Variants in GALNT13 observed in about 807,000 individuals in gnomAD.
The protein encoded by GALNT13 is UDP-GalNAc:polypeptide N-acetylgalactosaminyltransferase 13.
In GALNT13, 28 loss-of-function variants were observed where a neutral mutation model predicts 64.2. That is an observed-to-expected ratio of 0.44 (90% confidence interval 0.32 to 0.60). The LOEUF (loss-of-function observed/expected upper bound fraction) is 0.60. GALNT13 is among the 20% of genes least tolerant of loss of function. The probability of loss-of-function intolerance (pLI) is 0.05; values close to 1 mark genes in which losing one functional copy is unlikely to be tolerated. For missense variants in GALNT13, 577 were observed against 669.8 expected, an observed-to-expected ratio of 0.86 and a Z score of 1.53; for synonymous variants, 214 against 224.6, an observed-to-expected ratio of 0.95 and a Z score of 0.42.
At chr2:153,569,732 A>T in the GALNT13 span, among the ~76,000 whole-genome samples, 1 of 152,114 alleles carries the variant, frequency 6.6e-6, no homozygotes, top group Non-Finnish European at 1.5e-5. Context: ...ATGAACAATT[A>T]AATTATTATT....
chr2:153,084,280 A>C, the GALNT13 span, among the ~76,000 whole-genome samples: 9 of 152,042 alleles, frequency 5.9e-5, no homozygotes, highest in African/African-American at 2.2e-4. Context: ...AAGAATGATG[A>C]TGGTATTTTT....
chr2:153,564,625 T>C, the GALNT13 span, among the ~76,000 whole-genome samples: 3 of 151,970 alleles, frequency 2.0e-5, no homozygotes, highest in African/African-American at 7.3e-5. Context: ...AAAACATTAT[T>C]GTTTCTGATT....
At chr2:153,691,117 T>G in the GALNT13 span, among the ~76,000 whole-genome samples, 52 of 152,252 alleles carry the variant, frequency 3.4e-4, no homozygotes, top group African/African-American at 1.2e-3. Flanking sequence ...TAGTATTGCT[T>G]GTGGAGTACT....
the GALNT13 span, among the ~76,000 whole-genome samples, chr2:153,257,200 G>C: frequency 2.0e-5 from 3 of 152,180 alleles, no homozygotes; most frequent in Admixed American, 2.0e-4. Context: ...ATTCGGGTGG[G>C]AGTGACCTGA....
the GALNT13 span, among the ~76,000 whole-genome samples, chr2:153,626,043 A>G: frequency 1.3e-5 from 2 of 152,058 alleles, no homozygotes; most frequent in Non-Finnish European, 2.9e-5. Flanking sequence ...TAAAATTAAT[A>G]TATTAATTCT....
chr2:153,162,695 C>T, the GALNT13 span, among the ~76,000 whole-genome samples: 1 of 152,116 alleles, frequency 6.6e-6, no homozygotes, highest in Non-Finnish European at 1.5e-5. Flanking sequence ...ATGACGATGC[C>T]ATTGTTCCAG....
chr2:153,390,838 T>A, the GALNT13 span, among the ~76,000 whole-genome samples: 1 of 152,074 alleles, frequency 6.6e-6, no homozygotes, highest in Non-Finnish European at 1.5e-5. Context: ...TCATTGGTCC[T>A]ACATCCTAGC....
chr2:154,123,016 T>C (rs1202243026), intron 3 of GALNT13, among the ~76,000 whole-genome samples: 1 of 151,970 alleles, frequency 6.6e-6, no homozygotes, highest in Non-Finnish European at 1.5e-5. Context: ...ATGCTAACTA[T>C]GTGAACAAGA....
rs753710220 is a variant in GALNT13, at chr2:154,242,870, G to T, written c.651G>T (p.Trp217Cys). 5.6e-6 allele frequency: 9 copies of T among 1,614,016 alleles called. 1 individual carries two copies. Among genetic ancestry groups the T allele is most frequent in the Non-Finnish European group, 8.5e-7 (1 of 1,180,020 alleles). Reference protein sequence around the residue: ...LDAHCECTLGWLEPLLARIKE... With the variant: ...LDAHCECTLGCLEPLLARIKE... ...CACACTGTGAATGCACGTTAGGATG[G>T]CTGGAGCCTTTGCTGGCAAGAATAA... is the stretch of plus-strand genomic sequence containing the variant. Residue 217 changes from tryptophan (W) to cysteine (C), a missense_variant, in exon 6 of 13, where the codon TGG becomes TGT. By Grantham distance (215) the Trp-to-Cys change is radical. Transcript: ENST00000392825.
intron 3 of GALNT13, among the ~76,000 whole-genome samples, chr2:154,129,484 C>T (rs1253004901): frequency 1.3e-5 from 2 of 152,102 alleles, no homozygotes; most frequent in South Asian, 2.1e-4. Context: ...AATGTAACAG[C>T]GAAATGTCTT....
At chr2:153,566,429 A>C in the GALNT13 span, among the ~76,000 whole-genome samples, 6 of 134,372 alleles carry the variant, frequency 4.5e-5, no homozygotes, top group Admixed American at 9.0e-5. Context: ...ATCTCAGCTC[A>C]CTGCAAGCTC....
At chr2:153,097,794 G>A in the GALNT13 span, among the ~76,000 whole-genome samples, 2 of 152,066 alleles carry the variant, frequency 1.3e-5, no homozygotes, top group African/African-American at 2.4e-5. Context: ...TTTCCAGCCC[G>A]GCACAGTGGC....
At chr2:153,770,428 G>A in the GALNT13 span, among the ~76,000 whole-genome samples, 1 of 152,148 alleles carries the variant, frequency 6.6e-6, no homozygotes, top group Non-Finnish European at 1.5e-5. Flanking sequence ...CTAGGCATAT[G>A]AGCAGGTTCA....
the GALNT13 span, among the ~76,000 whole-genome samples, chr2:153,754,131 G>T: frequency 1.0e-3 from 158 of 152,148 alleles, no homozygotes; most frequent in African/African-American, 3.4e-3. Flanking sequence ...TGCAGATTCA[G>T]AAATGCCATT....
intron 9 of GALNT13, among the ~76,000 whole-genome samples, chr2:154,365,413 A>G (rs1323859958): frequency 6.6e-6 from 1 of 152,224 alleles, no homozygotes; most frequent in Non-Finnish European, 1.5e-5. Context: ...TAAATTGCCA[A>G]TATTTTAAAA....
chr2:153,866,819 G>A, the GALNT13 span, among the ~76,000 whole-genome samples: 1 of 152,084 alleles, frequency 6.6e-6, no homozygotes, highest in Non-Finnish European at 1.5e-5. Context: ...TTGTGTAATA[G>A]GTTTATCATC....
the GALNT13 span, among the ~76,000 whole-genome samples, chr2:153,620,582 T>C: frequency 5.9e-5 from 9 of 152,056 alleles, no homozygotes; most frequent in Non-Finnish European, 8.8e-5. Flanking sequence ...GCCAATTGTA[T>C]TTTTTAGCTC....
At chr2:154,267,493 A>T (rs898426923) in intron 8 of GALNT13, among the ~76,000 whole-genome samples, 3 of 152,116 alleles carry the variant, frequency 2.0e-5, no homozygotes, top group African/African-American at 2.4e-5. Flanking sequence ...TACAAAAATT[A>T]GCTGGGCGTG....
chr2:153,199,477 G>A, the GALNT13 span, among the ~76,000 whole-genome samples: 24,342 of 152,146 alleles, frequency 0.16, 2,062 homozygotes, highest in Non-Finnish European at 0.18. Context: ...AGTATCATCA[G>A]ACTTTCCTGG....
Sources: gnomAD v4.1 joint callset for allele counts (sites outside exome capture counted in the v4.1 genomes callset) on GRCh38, gnomAD v4.1.1 for gene constraint, MANE v1.5 for transcripts, NCBI Gene and HGNC (gene_info 2026-07-23, HGNC 2026-07-21) for gene names.